RNF43: variants seen among roughly 807,000 people sequenced by gnomAD.
RNF43 encodes the protein ring finger protein 43, also known as E3 ubiquitin-protein ligase RNF43.
In RNF43, 37 loss-of-function variants were observed where a neutral mutation model predicts 78.4. The observed-to-expected ratio is 0.47, with a 90% CI of 0.36 to 0.62. RNF43 has a LOEUF of 0.62. RNF43 is among the 20% of genes least tolerant of loss of function. The probability of loss-of-function intolerance (pLI) is 0.00; values close to 1 mark genes in which losing one functional copy is unlikely to be tolerated. For synonymous variants in RNF43, 347 were observed against 395.0 expected (o/e 0.88, Z 1.44); for missense variants, 774 against 1,007.9 (o/e 0.77, Z 3.14).
At chr17:58,396,429 A>G (rs180915760) in intron 2 of RNF43, among the ~76,000 whole-genome samples, 2 of 152,362 alleles carry the variant, frequency 1.3e-5, no homozygotes, top group African/African-American at 4.8e-5. Flanking sequence ...GACAAGGCTG[A>G]AACAGAGGGA....
intron 2 of RNF43, among the ~76,000 whole-genome samples, chr17:58,383,813 TC>T (rs1973375482): frequency 6.6e-6 from 1 of 152,136 alleles, no homozygotes; most frequent in Non-Finnish European, 1.5e-5. Context: ...AGATGGGGTT[TC>T]CCCATGTTGG....
At chr17:58,375,972 G>T (rs1973196936) in intron 2 of RNF43, among the ~76,000 whole-genome samples, 1 of 152,338 alleles carries the variant, frequency 6.6e-6, no homozygotes. Context: ...CCTGAAGGCA[G>T]AAGGGCCTGT....
intron 2 of RNF43, among the ~76,000 whole-genome samples, chr17:58,382,070 CT>C (rs987302830): frequency 9.2e-5 from 14 of 152,128 alleles, no homozygotes; most frequent in Non-Finnish European, 1.9e-4. Context: ...AAACTAAATA[CT>C]TTCCCTCATA....
intron 6 of RNF43, among the ~76,000 whole-genome samples, 183 bp from the exon 7 acceptor site, chr17:58,361,127 AC>A (rs1972827768): frequency 6.6e-6 from 1 of 152,060 alleles, no homozygotes; most frequent in Non-Finnish European, 1.5e-5. Flanking sequence ...CTCCCAGTCC[AC>A]CCACCTGCTT....
intron 2 of RNF43, among the ~76,000 whole-genome samples, chr17:58,394,287 A>C (rs953360072): frequency 5.9e-5 from 9 of 152,212 alleles, no homozygotes; most frequent in African/African-American, 2.2e-4. Flanking sequence ...ATTGACGGTG[A>C]ATTTTAGAAG....
intron 2 of RNF43, among the ~76,000 whole-genome samples, chr17:58,381,910 G>GGA (rs1973328086): frequency 6.6e-6 from 1 of 151,420 alleles, no homozygotes; most frequent in African/African-American, 2.4e-5. Context: ...GTTCTATAGA[G>GGA]AAAAAAAATG....
At chr17:58,402,725 A>C (rs1280502209) in intron 2 of RNF43, 1 of 152,204 alleles carries the variant, frequency 6.6e-6, no homozygotes, top group Non-Finnish European at 1.5e-5. Context: ...AGGCTGTGAC[A>C]CTAATACTTA....
At chr17:58,401,621 T>C (rs1330795754) in intron 2 of RNF43, among the ~76,000 whole-genome samples, 1 of 152,122 alleles carries the variant, frequency 6.6e-6, no homozygotes, top group Non-Finnish European at 1.5e-5. Flanking sequence ...CCCTGAAGAT[T>C]GACATTGCTT....
At position 58,366,057 on chromosome 17, in the gene RNF43, C is replaced by T. The variant is rs115356756; in HGVS notation, c.376-2457G>A. Among the ~76,000 whole-genome samples the T allele has an allele frequency of 1.8e-3, 269 of 152,334 alleles. 2 individuals carry two copies. The highest frequency in any genetic ancestry group is 6.2e-3 in the African/African-American group (258 of 41,572). On this transcript the variant is annotated intron_variant, in intron 3 of 9. Coordinates refer to ENST00000407977, the MANE Select transcript of RNF43 (RefSeq NM_017763.6). ...TGCTCATCAAAAATGAAGCACCTAC[C>T]GTGCCCAGGGCACCAAGCCATAGAA... is the stretch of plus-strand genomic sequence containing the variant.
Position 58,363,377 on chromosome 17 carries a change from T to TG in RNF43, c.479dup (p.Val161SerfsTer7). The TG allele has an allele frequency of 6.2e-7, 1 of 1,614,120 alleles. No homozygotes were observed. Among genetic ancestry groups the TG allele is most frequent in the Non-Finnish European group, 8.5e-7 (1 of 1,180,008 alleles). The stretch of plus-strand genomic sequence containing the variant: ...CGTCATTACCCCAGATCAACACCAC[T>TG]GGCCAGGTCAGCCCCAGCGGCTGCT... On this transcript the variant is annotated frameshift_variant, in exon 5 of 10. Transcript: ENST00000407977. LOFTEE classifies it high-confidence loss of function.
downstream of RNF43, chr17:58,352,970 G>A (rs188051557): frequency 2.5e-3 from 533 of 217,416 alleles, 4 homozygotes; most frequent in African/African-American, 9.8e-3. Context: ...GGAAGCAGAA[G>A]GGGAACTTGT....
At chr17:58,376,606 C>T (rs990051138) in intron 2 of RNF43, among the ~76,000 whole-genome samples, 2 of 152,184 alleles carry the variant, frequency 1.3e-5, no homozygotes, top group Non-Finnish European at 2.9e-5. Context: ...TTTGCCCTTC[C>T]TCCAAGGAAT....
intron 2 of RNF43, among the ~76,000 whole-genome samples, chr17:58,386,526 A>G (rs2143583563): frequency 6.6e-6 from 1 of 152,336 alleles, no homozygotes; most frequent in East Asian, 1.9e-4. Flanking sequence ...GCACATAGTA[A>G]TCACTCAAAA....
rs1299226886 is a variant in RNF43 at position 58,353,747 on chromosome 17, C to G, written c.*1196G>C. 9.5e-6 allele frequency: 2 copies of G among 209,552 alleles called. No homozygotes were observed. The highest frequency in any genetic ancestry group is 1.9e-5 in the Non-Finnish European group (2 of 102,724). The allele number at this position is 209,552 out of a possible 1,614,324, so 13.0% of individuals were successfully genotyped here. On this transcript the variant is annotated 3_prime_UTR_variant, in exon 10 of 10. Transcript: ENST00000407977. ...GCCTGATTCAAGCGTCTGTCTGGTT[C>G]AGATATAAATACCCATGTGGGTACC...
intron 3 of RNF43, among the ~76,000 whole-genome samples, chr17:58,369,870 G>A (rs988234227): frequency 3.3e-5 from 5 of 152,130 alleles, no homozygotes; most frequent in African/African-American, 1.2e-4. Flanking sequence ...AACAGTAACT[G>A]CTATTGTTAG....
chr17:58,356,710 C>T (rs1972690475), intron 9 of RNF43, among the ~76,000 whole-genome samples: 1 of 151,886 alleles, frequency 6.6e-6, no homozygotes, highest in Non-Finnish European at 1.5e-5. Flanking sequence ...TATATAGCCT[C>T]GTATTATGGT....
intron 2 of RNF43, among the ~76,000 whole-genome samples, chr17:58,377,617 G>T (rs1238458446): frequency 3.9e-5 from 6 of 152,118 alleles, no homozygotes; most frequent in Admixed American, 3.9e-4. Context: ...TTGGGTGTGT[G>T]CTTCTGCAAG....
chr17:58,379,493 T>C (rs1221089363), intron 2 of RNF43, among the ~76,000 whole-genome samples: 1 of 152,196 alleles, frequency 6.6e-6, no homozygotes, highest in African/African-American at 2.4e-5. Context: ...GTAATGGTCA[T>C]TCAGCCAGAC....
intron 2 of RNF43, among the ~76,000 whole-genome samples, chr17:58,374,394 C>CT (rs1266131489): frequency 0.041 from 5,682 of 139,182 alleles, 256 homozygotes; most frequent in African/African-American, 0.1. Context: ...TTTCACTCTT[C>CT]TTTTTTTTTT....
Sources: allele counts gnomAD v4.1 joint callset (sites outside exome capture counted in the v4.1 genomes callset), GRCh38; gene constraint gnomAD v4.1.1; transcripts MANE v1.5; gene names NCBI Gene and HGNC (gene_info 2026-07-23, HGNC 2026-07-21).